The following NRXN1 variants were observed in gnomAD, a reference collection of about 807,000 sequenced individuals.
The protein encoded by NRXN1 is neurexin-1.
NRXN1 carries 39 observed loss-of-function variants against 150.9 expected under a neutral mutation model. The observed-to-expected ratio is 0.26, with a 90% CI of 0.20 to 0.34. NRXN1 has a LOEUF of 0.34. NRXN1 is among the 10% of genes least tolerant of loss of function. The pLI is 1.00. For synonymous variants in NRXN1, 924 were observed against 757.0 expected, an observed-to-expected ratio of 1.22 and a Z score of -3.62; for missense variants, 1,815 against 1,949.9, an observed-to-expected ratio of 0.93 and a Z score of 1.30.
At chr2:50,956,861 A>G (rs1481941151) in intron 2 of NRXN1, among the ~76,000 whole-genome samples, 1 of 152,148 alleles carries the variant, frequency 6.6e-6, no homozygotes, top group East Asian at 1.9e-4. Context: ...TGAGGAGGTA[A>G]TATGGTCAGC....
chr2:50,830,250 C>T (rs912083112), intron 5 of NRXN1, among the ~76,000 whole-genome samples: 2 of 151,946 alleles, frequency 1.3e-5, no homozygotes, highest in African/African-American at 4.8e-5. Context: ...AAATTTCAGA[C>T]AGTTCAGTGG....
chr2:50,981,011 T>C (rs1256480138), intron 2 of NRXN1, among the ~76,000 whole-genome samples: 2 of 152,110 alleles, frequency 1.3e-5, no homozygotes, highest in African/African-American at 2.4e-5. Context: ...AAAATAGATG[T>C]ATGCAGCACC....
intron 5 of NRXN1, among the ~76,000 whole-genome samples, chr2:50,680,642 G>A (rs1413789254): frequency 6.6e-6 from 1 of 151,910 alleles, no homozygotes; most frequent in Non-Finnish European, 1.5e-5. Context: ...ATATTACACA[G>A]CCTTTGTGAG....
At chr2:50,985,041 T>C (rs968055824) in intron 2 of NRXN1, among the ~76,000 whole-genome samples, 1 of 152,034 alleles carries the variant, frequency 6.6e-6, no homozygotes, top group Non-Finnish European at 1.5e-5. Context: ...AGACAGAATA[T>C]ATACTTTTTA....
intron 17 of NRXN1, among the ~76,000 whole-genome samples, chr2:50,376,173 T>C (rs1384068583): frequency 2.0e-5 from 3 of 151,644 alleles, no homozygotes; most frequent in Admixed American, 6.6e-5. Flanking sequence ...AAATTGCAAT[T>C]GAAGCTTCTA....
chr2:50,740,940 G>GA (rs1480986460), intron 5 of NRXN1, among the ~76,000 whole-genome samples: 2 of 151,980 alleles, frequency 1.3e-5, no homozygotes, highest in Non-Finnish European at 2.9e-5. Context: ...ACTAACAAAG[G>GA]AAACAATTAG....
chr2:50,804,610 T>C (rs1009285314), intron 5 of NRXN1, among the ~76,000 whole-genome samples: 5 of 152,184 alleles, frequency 3.3e-5, no homozygotes, highest in Non-Finnish European at 7.4e-5. Context: ...CAGTTAACAC[T>C]GTGCACTTTG....
chr2:50,671,119 C>A (rs1187881276), intron 5 of NRXN1, among the ~76,000 whole-genome samples: 1 of 151,698 alleles, frequency 6.6e-6, no homozygotes, highest in Non-Finnish European at 1.5e-5. Context: ...TTACATAAAT[C>A]TTTAAAAACA....
chr2:50,964,011 T>C (rs1693641525), intron 2 of NRXN1: 1 of 433,204 alleles, frequency 2.3e-6, no homozygotes, highest in Non-Finnish European at 4.6e-6. Context: ...AGCAACATGC[T>C]AATCAGCATT....
intron 17 of NRXN1, among the ~76,000 whole-genome samples, chr2:50,455,682 C>T (rs895413435): frequency 4.6e-5 from 7 of 152,124 alleles, no homozygotes; most frequent in Non-Finnish European, 1.5e-5. Flanking sequence ...CCTGGGACAG[C>T]AGATTCAGAA....
At chr2:50,839,906 G>T (rs1313977491) in intron 5 of NRXN1, among the ~76,000 whole-genome samples, 1 of 152,076 alleles carries the variant, frequency 6.6e-6, no homozygotes, top group East Asian at 1.9e-4. Context: ...GGAGGGGAAG[G>T]TTGTAGAATT....
intron 19 of NRXN1, among the ~76,000 whole-genome samples, chr2:50,089,062 A>G (rs145495147): frequency 4.9e-4 from 74 of 152,366 alleles, no homozygotes; most frequent in African/African-American, 1.7e-3. Flanking sequence ...GCATATTAAT[A>G]AAGTCCAAGT....
intron 16 of NRXN1, among the ~76,000 whole-genome samples, chr2:50,469,485 AG>A: frequency 6.6e-6 from 1 of 151,734 alleles, no homozygotes; most frequent in East Asian, 1.9e-4. Flanking sequence ...TATGCTAAGT[AG>A]TCCTATCAAT....
chr2:50,594,580 C>G (rs1018715391), intron 8 of NRXN1, among the ~76,000 whole-genome samples: 2 of 152,098 alleles, frequency 1.3e-5, no homozygotes, highest in African/African-American at 4.8e-5. Context: ...AAAAGCAAAG[C>G]CTTCTAATAA....
At chr2:50,201,760 G>A (rs553455841) in intron 18 of NRXN1, among the ~76,000 whole-genome samples, 1 of 152,296 alleles carries the variant, frequency 6.6e-6, no homozygotes. Context: ...TCAAGCTCAT[G>A]GTCTCATGTG....
chr2:50,013,447 A>C (rs1167063650), intron 21 of NRXN1, among the ~76,000 whole-genome samples: 2 of 152,052 alleles, frequency 1.3e-5, no homozygotes, highest in Non-Finnish European at 2.9e-5. Context: ...TGGTACCCAG[A>C]GTAAAAGAAT....
chr2:50,225,199 C>A (rs944174888), intron 18 of NRXN1, among the ~76,000 whole-genome samples: 2 of 151,936 alleles, frequency 1.3e-5, no homozygotes, highest in African/African-American at 2.4e-5. Flanking sequence ...CCAAGGAGAG[C>A]ACTTCTGGAG....
intron 21 of NRXN1, among the ~76,000 whole-genome samples, chr2:49,974,612 C>T (rs1463924124): frequency 6.6e-6 from 1 of 152,156 alleles, no homozygotes; most frequent in East Asian, 1.9e-4. Context: ...CTAGTAGAAT[C>T]TCCTCGAAGC....
intron 19 of NRXN1, among the ~76,000 whole-genome samples, chr2:50,073,662 T>C (rs1462200938): frequency 3.3e-5 from 5 of 152,160 alleles, no homozygotes; most frequent in African/African-American, 9.7e-5. Flanking sequence ...TTAACTTCCT[T>C]CTTGAAACTT....
Sources: gnomAD v4.1 joint callset for allele counts (sites outside exome capture counted in the v4.1 genomes callset) on GRCh38, gnomAD v4.1.1 for gene constraint, MANE v1.5 for transcripts, NCBI Gene and HGNC (gene_info 2026-07-23, HGNC 2026-07-21) for gene names.